Variants in STOX2 observed in about 807,000 individuals in gnomAD.
STOX2 encodes storkhead-box protein 2.
In STOX2, 28 loss-of-function variants were observed where a neutral mutation model predicts 60.9. The ratio of observed to expected loss-of-function variants is 0.46; its 90% CI spans 0.34 to 0.63. STOX2 has a LOEUF of 0.63. Among genes scored for constraint, STOX2 ranks in the 30% least tolerant of loss-of-function variants. The pLI, the probability that STOX2 is intolerant of heterozygous loss-of-function variation, is 0.01. For synonymous variants in STOX2, 472 were observed against 463.9 expected (o/e 1.02, Z -0.22); for missense variants, 1,024 against 1,187.7 (o/e 0.86, Z 2.03).
chr4:184,002,441 A>T (rs1242732262), intron 2 of STOX2, among the ~76,000 whole-genome samples: 1 of 152,264 alleles, frequency 6.6e-6, no homozygotes, highest in East Asian at 1.9e-4. Context: ...AATGCTGGGT[A>T]ACAAACAACT....
At chr4:184,004,458 G>A (rs1579535319) in intron 2 of STOX2, among the ~76,000 whole-genome samples, 2 of 152,200 alleles carry the variant, frequency 1.3e-5, no homozygotes, top group East Asian at 1.9e-4. Context: ...AAATTAGCCG[G>A]GCTTGGTGGC....
At chr4:183,900,864 T>G (rs574838162), upstream of STOX2, among the ~76,000 whole-genome samples, 57 of 152,286 alleles carry the variant, frequency 3.7e-4, no homozygotes, top group South Asian at 0.011. Flanking sequence ...TTTTTAAAAT[T>G]TATTACTATT....
intron 1 of STOX2, among the ~76,000 whole-genome samples, chr4:183,981,031 A>G (rs1251149091): frequency 6.6e-6 from 1 of 152,238 alleles, no homozygotes; most frequent in Non-Finnish European, 1.5e-5. Context: ...AGAAATACTG[A>G]TGATAGTTTT....
chr4:184,017,130 A>G lies in STOX2; in HGVS notation c.2627A>G (p.Glu876Gly). ...GCTTCCAACACATCAAGCATTGTTG[A>G]AAGTAACCGTCGTCAGAACCCCGCT... The part of the protein sequence containing the change: ...SLASNTSSIV[E>G]SNRRQNPALS... The change falls in exon 4 of 4, where the codon GAA (glutamate) becomes GGA (glycine). Residue 876 changes from glutamate to glycine, a missense_variant. By Grantham distance (98) the Glu-to-Gly change is moderately conservative. Coordinates refer to ENST00000308497, the MANE Select transcript of STOX2 (RefSeq NM_020225.3). 1 of 1,613,728 alleles carries G rather than the reference A, an allele frequency of 6.2e-7. No individual in the cohort carries two copies. The highest frequency in any genetic ancestry group is 8.5e-7 in the Non-Finnish European group (1 of 1,179,776).
At position 183,953,740 on chromosome 4, in the gene STOX2, C is replaced by A. The variant is rs1451219544; in HGVS notation, c.166+46784C>A. Among the ~76,000 whole-genome samples, 9 of 151,740 alleles carry A rather than the reference C, an allele frequency of 5.9e-5. No individual in the cohort carries two copies. In the South Asian group the frequency reaches 6.3e-4, roughly 11 times the overall value. On this transcript the variant is annotated intron_variant, in intron 1 of 3. Transcript: ENST00000308497. ...ACCACCATGCCCAGCTAATTTTTGT[C>A]TTTTTAGTAGAGACGGGATTTCACC...
chr4:183,885,988 G>C (rs1226229573), intron 1 of STOX2, among the ~76,000 whole-genome samples: 1 of 152,210 alleles, frequency 6.6e-6, no homozygotes, highest in Non-Finnish European at 1.5e-5. Flanking sequence ...GGGTGGACAC[G>C]AGGGCTCTGA....
At chr4:183,810,404 C>G (rs929589272) in intron 1 of STOX2, among the ~76,000 whole-genome samples, 1 of 152,180 alleles carries the variant, frequency 6.6e-6, no homozygotes, top group African/African-American at 2.4e-5. Flanking sequence ...AGCAGTGCAA[C>G]AAGGTTTTGC....
chr4:183,877,649 C>A (rs1182907296), intron 1 of STOX2, among the ~76,000 whole-genome samples: 1 of 152,138 alleles, frequency 6.6e-6, no homozygotes, highest in African/African-American at 2.4e-5. Context: ...ATTTTAAGCA[C>A]CTGCCTCATG....
At chr4:183,914,046 A>C (rs1408660545) in intron 1 of STOX2, among the ~76,000 whole-genome samples, 7 of 152,312 alleles carry the variant, frequency 4.6e-5, no homozygotes, top group Non-Finnish European at 8.8e-5. Context: ...TCAGTAAAAA[A>C]TATTCAACTA....
At chr4:184,004,117 A>C (rs1733712956) in intron 2 of STOX2, among the ~76,000 whole-genome samples, 1 of 152,212 alleles carries the variant, frequency 6.6e-6, no homozygotes, top group Non-Finnish European at 1.5e-5. Context: ...AAAGGTAAGA[A>C]TAAAGTATTT....
At chr4:183,891,069 C>T (rs1313130072) in intron 1 of STOX2, among the ~76,000 whole-genome samples, 1 of 152,014 alleles carries the variant, frequency 6.6e-6, no homozygotes, top group Non-Finnish European at 1.5e-5. Context: ...ATGAGCCCAC[C>T]ACTGCACCCC....
intron 1 of STOX2, among the ~76,000 whole-genome samples, chr4:183,961,016 T>C (rs1317752695): frequency 1.3e-5 from 2 of 152,194 alleles, no homozygotes; most frequent in Non-Finnish European, 2.9e-5. Flanking sequence ...CTACCCCTGG[T>C]TCTCTGTGAC....
At chr4:183,943,443 T>C (rs890091405) in intron 1 of STOX2, among the ~76,000 whole-genome samples, 1 of 152,198 alleles carries the variant, frequency 6.6e-6, no homozygotes, top group Non-Finnish European at 1.5e-5. Context: ...ATGAGTTAAT[T>C]CTTGAAGCTG....
intron 1 of STOX2, among the ~76,000 whole-genome samples, chr4:183,877,968 G>A (rs1403594100): frequency 6.6e-6 from 1 of 152,154 alleles, no homozygotes; most frequent in Non-Finnish European, 1.5e-5. Context: ...GGGATTACAG[G>A]TGTGAGCCAC....
intron 1 of STOX2, among the ~76,000 whole-genome samples, chr4:183,954,609 T>G (rs1214606002): frequency 2.0e-5 from 3 of 151,788 alleles, no homozygotes; most frequent in Admixed American, 6.6e-5. Context: ...TTATAATTAA[T>G]TTTTACTTTT....
chr4:183,929,126 G>T (rs1742336664), intron 1 of STOX2, among the ~76,000 whole-genome samples: 1 of 152,122 alleles, frequency 6.6e-6, no homozygotes, highest in African/African-American at 2.4e-5. Context: ...TTAGTTATTG[G>T]GAAAATTACA....
chr4:183,963,645 C>T (rs1449456762), intron 1 of STOX2, among the ~76,000 whole-genome samples: 10 of 151,828 alleles, frequency 6.6e-5, no homozygotes, highest in Admixed American at 3.9e-4. Context: ...AGGCTGGTTT[C>T]GAACTCCTGA....
intron 1 of STOX2, among the ~76,000 whole-genome samples, chr4:183,970,953 G>A (rs982226527): frequency 6.6e-6 from 1 of 152,226 alleles, no homozygotes; most frequent in Non-Finnish European, 1.5e-5. Flanking sequence ...TATATGATAT[G>A]AACATTGCCT....
At position 183,821,967 on chromosome 4, in the gene STOX2, G is replaced by T. The variant is rs980615221; in HGVS notation, c.364+23912G>T. ...AAAAGGACGCTTGTGTGTGGAAAAG[G>T]TGATACAGTTTGTGTCGGGTCTTGC... is the stretch of plus-strand genomic sequence containing the variant. On this transcript the variant is annotated intron_variant, in intron 1 of 2. Transcript: ENST00000513034. This position sits in a 1 kb window ranked among gnomAD's most constrained non-coding sequence, Gnocchi z 4.2. Among the ~76,000 whole-genome samples the T allele has an allele frequency of 6.6e-6, 1 of 152,254 alleles. No individual in the cohort carries two copies. The highest frequency in any genetic ancestry group is 1.5e-5 in the Non-Finnish European group (1 of 68,044).
Sources: gnomAD v4.1 joint callset for allele counts (sites outside exome capture counted in the v4.1 genomes callset) on GRCh38, gnomAD v4.1.1 for gene constraint, Gnocchi (gnomAD v3.1) non-coding constraint, MANE v1.5 for transcripts, NCBI Gene and HGNC (gene_info 2026-07-23, HGNC 2026-07-21) for gene names.